The following ZNF70 variants were observed in gnomAD, a reference collection of about 807,000 sequenced individuals.
ZNF70 encodes zinc finger protein N27C7-1.
Under a neutral mutation model 37.7 loss-of-function variants are expected in ZNF70, and 18 were observed. That is an observed-to-expected ratio of 0.48 (90% confidence interval 0.33 to 0.71). The LOEUF (loss-of-function observed/expected upper bound fraction) is 0.71. ZNF70 is among the 30% of genes least tolerant of loss of function. The pLI, the probability that ZNF70 is intolerant of heterozygous loss-of-function variation, is 0.02. For missense variants in ZNF70, 506 were observed against 568.6 expected (o/e 0.89, Z 1.12); for synonymous variants, 219 against 220.1 (o/e 0.99, Z 0.05).
Position 23,744,545 on chromosome 22 carries a change from C to T in ZNF70, c.596G>A (p.Arg199Gln), listed in dbSNP as rs151135496. 3.4e-4 allele frequency: 544 copies of T among 1,613,032 alleles called. 1 individual carries two copies. The highest frequency in any genetic ancestry group is 4.1e-4 in the Non-Finnish European group (478 of 1,179,712). ...IHTGEKPYEC[R>Q]ECGKAFRQSS... ...CTGGCGGAAGGCCTTCCCACACTCC[C>T]GGCACTCGTAGGGCTTCTCCCCGGT... Residue 199 changes from arginine to glutamine, a missense_variant, in exon 2 of 2, where the codon CGG becomes CAG. Physicochemically the swap from Arg to Gln is conservative, Grantham distance 43 (BLOSUM62 1). Transcript: ENST00000341976.
At position 23,744,008 on chromosome 22, in the gene ZNF70, G is replaced by A. The variant is rs200881894; in HGVS notation, c.1133C>T (p.Ala378Val). The A allele has an allele frequency of 9.9e-6, 16 of 1,614,110 alleles. No homozygotes were observed. The highest frequency in any genetic ancestry group is 6.7e-5 in the Admixed American group (4 of 60,006). The change falls in exon 2 of 2, where the codon GCG (alanine) becomes GTG (valine). Residue 378 changes from alanine to valine, a missense_variant. By Grantham distance (64) the Ala-to-Val change is moderately conservative. Coordinates refer to ENST00000341976, the MANE Select transcript of ZNF70 (RefSeq NM_021916.4). Reference sequence around the variant, plus strand: ...GTGGATTCTCTGGTGCTGGATCAGCGCAGAGCTGTGGCAAAAGGCCTTGCC... The same window carrying A: ...GTGGATTCTCTGGTGCTGGATCAGCACAGAGCTGTGGCAAAAGGCCTTGCC... Reference protein sequence around the residue: ...QCGKAFCHSSALIQHQRIHTG... With the variant: ...QCGKAFCHSSVLIQHQRIHTG...
rs772882824 is a variant in ZNF70, at chr22:23,744,831, A to C, written c.310T>G (p.Cys104Gly). 27 of 1,614,220 alleles carry C rather than the reference A, an allele frequency of 1.7e-5. No homozygotes were observed. The South Asian group carries it at 3.0e-4, about 18-fold the overall frequency. ...TFLQKSDLSMCQIIHSEEPSP... is the reference protein window; with the variant it reads ...TFLQKSDLSMGQIIHSEEPSP... Reference sequence around the variant, plus strand: ...GGCTCTTCACTGTGGATTATCTGACACATGCTGAGGTCGGATTTCTGGAGG... The same window carrying C: ...GGCTCTTCACTGTGGATTATCTGACCCATGCTGAGGTCGGATTTCTGGAGG... The change falls in exon 2 of 2, where the codon TGT becomes GGT. Residue 104 changes from cysteine to glycine, a missense_variant. Physicochemically the swap from Cys to Gly is radical, Grantham distance 159 (BLOSUM62 -3). Transcript: ENST00000341976.
At chr22:23,745,988 A>G (rs1435325503) in intron 1 of ZNF70, among the ~76,000 whole-genome samples, 5 of 152,050 alleles carry the variant, frequency 3.3e-5, no homozygotes, top group Non-Finnish European at 5.9e-5. Context: ...GTCCCCTCTT[A>G]TCTACTTCCT....
Position 23,743,742 on chromosome 22 carries a change from AC to A in ZNF70, c.*57del. 6.4e-7 allele frequency: 1 copy of A among 1,556,524 alleles called. No individual in the cohort carries two copies. The highest frequency in any genetic ancestry group is 8.7e-7 in the Non-Finnish European group (1 of 1,154,096). ...TAGGTGGGGTCTTGGAGACCACGCG[AC>A]GTGGAATAAAGGCTCCATCTGGCAC... On this transcript the variant is annotated 3_prime_UTR_variant, in exon 2 of 2. Transcript: ENST00000341976.
At chr22:23,745,791 G>T (rs1318130611) in intron 1 of ZNF70, among the ~76,000 whole-genome samples, 1 of 151,970 alleles carries the variant, frequency 6.6e-6, no homozygotes, top group Non-Finnish European at 1.5e-5. Context: ...AACAACAACA[G>T]CAACAACAAC....
In ZNF70 at chr22:23,744,670, T is replaced by A. The variant is rs1339537953; in HGVS notation, c.471A>T (p.Arg157=). The A allele has an allele frequency of 1.2e-6, 2 of 1,611,744 alleles. No homozygotes were observed. The highest frequency in any genetic ancestry group is 3.3e-5 in the Admixed American group (2 of 59,846). Residue 157 remains arginine, a synonymous_variant, in exon 2 of 2, where the codon CGA becomes CGT. Coordinates refer to ENST00000341976, the MANE Select transcript of ZNF70 (RefSeq NM_021916.4). ...TCTCCCCAGTGTGGATCACCAGGTG[T>A]CGGAGCAGGTGCGAGCTCTGGCTGA... ...KAFSQSSHLL[R]HLVIHTGEKP...
chr22:23,750,302 C>T (rs1925280741), intron 1 of ZNF70, among the ~76,000 whole-genome samples: 1 of 152,236 alleles, frequency 6.6e-6, no homozygotes, highest in South Asian at 2.1e-4. Context: ...TTGGCTTTTC[C>T]TGTTCATTTT....
chr22:23,739,071 G>A lies in ZNF70; in HGVS notation c.*4729C>T, dbSNP rs1924799226. The A allele has an allele frequency of 6.6e-6, 1 of 152,014 alleles. No homozygotes were observed. The highest frequency in any genetic ancestry group is 2.4e-5 in the African/African-American group (1 of 41,380). 9.4% of individuals were successfully genotyped at this position (152,014 alleles called of 1,614,324 possible). On this transcript the variant is annotated 3_prime_UTR_variant, in exon 2 of 2. Coordinates refer to ENST00000341976, the MANE Select transcript of ZNF70 (RefSeq NM_021916.4). ...GTAAATGAAAGTCAGAGAAAATATG[G>A]ATTTGAATAAAATAATGAAAAAATT... is the stretch of plus-strand genomic sequence containing the variant.
chr22:23,748,576 C>T (rs1373496936), intron 1 of ZNF70, among the ~76,000 whole-genome samples: 1 of 148,010 alleles, frequency 6.8e-6, no homozygotes, highest in Non-Finnish European at 1.5e-5. Context: ...TGGAGTCTCA[C>T]TCTTGTTGCC....
rs1419668523 is a variant in ZNF70, at chr22:23,739,114, T to G, written c.*4686A>C. The G allele has an allele frequency of 1.3e-5, 2 of 152,072 alleles. No homozygotes were observed. Among genetic ancestry groups the G allele is most frequent in the Non-Finnish European group, 2.9e-5 (2 of 68,018 alleles). 9.4% of individuals were successfully genotyped at this position (152,072 alleles called of 1,614,324 possible). The stretch of plus-strand genomic sequence containing the variant: ...AAAAAATTGAGTTAACAAATAGAAC[T>G]GGTAGAATAAAAACACATTTTGAGA... On this transcript the variant is annotated 3_prime_UTR_variant, in exon 2 of 2. Coordinates refer to ENST00000341976, the MANE Select transcript of ZNF70 (RefSeq NM_021916.4).
chr22:23,749,943 C>G (rs751749409), intron 1 of ZNF70, among the ~76,000 whole-genome samples: 2 of 152,192 alleles, frequency 1.3e-5, no homozygotes, highest in Admixed American at 6.6e-5. Flanking sequence ...ATGCGCATCA[C>G]TTCAACTCTC....
chr22:23,744,399 C>T lies in ZNF70; in HGVS notation c.742G>A (p.Gly248Arg), dbSNP rs1221336630. ...SLRKHERIHT[G>R]ERPYQCKECG... is the part of the protein sequence containing the mutation. ...TCCTTACACTGATAAGGTCTCTCTC[C>T]TGTATGAATTCTCTCGTGTTTTCTG... Residue 248 changes from glycine to arginine, a missense_variant, in exon 2 of 2, where the codon GGA becomes AGA. Transcript: ENST00000341976. 6 of 1,614,048 alleles carry T rather than the reference C, an allele frequency of 3.7e-6. No homozygotes were observed. The highest frequency in any genetic ancestry group is 5.1e-6 in the Non-Finnish European group (6 of 1,180,048).
Position 23,746,201 on chromosome 22 carries a change from CTTT to C in ZNF70, c.-79-985_-79-983del, listed in dbSNP as rs760293135. ...ACATAAGCCTGATTATGGTGGTTCC[CTTT>C]TTTTTTTTTTTTTTTTTTTTGAGAT... On this transcript the variant is annotated intron_variant, in intron 1 of 1. Transcript: ENST00000341976. 5.4e-3 allele frequency among the ~76,000 whole-genome samples: 615 copies of C among 114,232 alleles called. 11 individuals carry two copies. In the South Asian group the frequency reaches 0.06, roughly 11 times the overall value. The allele number at this position is 114,232 out of a possible 152,430, so 74.9% of individuals were successfully genotyped here.
intron 1 of ZNF70, among the ~76,000 whole-genome samples, chr22:23,749,112 C>T (rs12163444): frequency 6.6e-6 from 1 of 151,320 alleles, no homozygotes; most frequent in African/African-American, 2.4e-5. Context: ...CCTCTAATCC[C>T]AGCACTTTGG....
At chr22:23,746,703 C>T (rs1601321248) in intron 1 of ZNF70, among the ~76,000 whole-genome samples, 1 of 152,144 alleles carries the variant, frequency 6.6e-6, no homozygotes, top group South Asian at 2.1e-4. Flanking sequence ...AGTGATCCTC[C>T]CACCTCAGCC....
At chr22:23,745,242 T>C in intron 1 of ZNF70, 23 bp from the exon 2 acceptor site, 1 of 1,344,732 alleles carries the variant, frequency 7.4e-7, no homozygotes, top group Non-Finnish European at 1.0e-6. Context: ...CAGGGAACTC[T>C]GTCAAGTCAG....
rs76794180 is a variant in ZNF70, at chr22:23,744,267, T to G, written c.874A>C (p.Arg292=). The G allele has an allele frequency of 1.8e-3, 2,953 of 1,613,292 alleles. 49 individuals carry two copies. In the African/African-American group the frequency reaches 0.035, roughly 19 times the overall value. ...CDLCGKAFCH[R]SHLIRHQRIH... ...CGCTGGTGTCGGATGAGGTGTGACC[T>G]GTGACAAAAGGCTTTCCCACAGAGA... The change falls in exon 2 of 2, where the codon AGG becomes CGG. Residue 292 remains arginine, a synonymous_variant. Coordinates refer to ENST00000341976, the MANE Select transcript of ZNF70 (RefSeq NM_021916.4).
rs1423970715 is a variant in ZNF70, at chr22:23,741,569, C to T, written c.*2231G>A. Reference sequence around the variant, plus strand: ...TGGAAATCTCTGGCCTATCAAGACCCACTTAGTAACAGTTATGGCTTTCCC... The same window carrying T: ...TGGAAATCTCTGGCCTATCAAGACCTACTTAGTAACAGTTATGGCTTTCCC... On this transcript the variant is annotated 3_prime_UTR_variant, in exon 2 of 2. Coordinates refer to ENST00000341976, the MANE Select transcript of ZNF70 (RefSeq NM_021916.4). The T allele has an allele frequency of 6.6e-6, 1 of 152,266 alleles. No homozygotes were observed. Among genetic ancestry groups the T allele is most frequent in the Non-Finnish European group, 1.5e-5 (1 of 68,052 alleles). 9.4% of individuals were successfully genotyped at this position (152,266 alleles called of 1,614,324 possible).
At position 23,743,097 on chromosome 22, in the gene ZNF70, C is replaced by G. The variant is rs1435314381; in HGVS notation, c.*703G>C. On this transcript the variant is annotated 3_prime_UTR_variant, in exon 2 of 2. Transcript: ENST00000341976. The stretch of plus-strand genomic sequence containing the variant: ...GAGTCACGGCTGGGTGTCAAACATC[C>G]TCTGGCCAACAGGATCAAATCTCTA... 2.0e-5 allele frequency: 3 copies of G among 152,510 alleles called. No individual in the cohort carries two copies. Among genetic ancestry groups the G allele is most frequent in the Admixed American group, 1.3e-4 (2 of 15,276 alleles). 9.4% of individuals were successfully genotyped at this position (152,510 alleles called of 1,614,324 possible).
Sources: allele counts gnomAD v4.1 joint callset (sites outside exome capture counted in the v4.1 genomes callset), GRCh38; gene constraint gnomAD v4.1.1; transcripts MANE v1.5; gene names NCBI Gene and HGNC (gene_info 2026-07-23, HGNC 2026-07-21).